The following ECT2 variants were observed in gnomAD, a reference collection of about 807,000 sequenced individuals.
The protein encoded by ECT2 is epithelial cell transforming 2.
Under a neutral mutation model 116.9 loss-of-function variants are expected in ECT2, and 61 were observed. That is an observed-to-expected ratio of 0.52 (90% CI 0.42 to 0.65). ECT2 has a LOEUF of 0.65. Ranked by LOEUF, ECT2 falls within the 30% of genes least tolerant of loss-of-function variation. ECT2 has a pLI of 0.00. For missense variants in ECT2, 937 were observed against 1,078.7 expected (o/e 0.87, Z 1.84); for synonymous variants, 358 against 346.4 (o/e 1.03, Z -0.37).
intron 24 of ECT2, among the ~76,000 whole-genome samples, chr3:172,819,571 C>G (rs1449133958): frequency 6.6e-6 from 1 of 152,008 alleles, no homozygotes; most frequent in Non-Finnish European, 1.5e-5. Context: ...GTCTCGAACT[C>G]TTGGCCTTAA....
intron 14 of ECT2, among the ~76,000 whole-genome samples, chr3:172,776,847 GAATATGTAGTGGAA>G (rs953677952): frequency 2.6e-5 from 4 of 150,992 alleles, no homozygotes; most frequent in African/African-American, 9.7e-5. Context: ...TAGTGGTTAA[GAATATGTAGTGGAA>G]AAAACGGGTT....
chr3:172,813,650 T>C (rs1405032855), intron 22 of ECT2, among the ~76,000 whole-genome samples: 1 of 152,118 alleles, frequency 6.6e-6, no homozygotes, highest in African/African-American at 2.4e-5. Flanking sequence ...AGTATATTCA[T>C]ACTGTTGTGC....
downstream of ECT2, among the ~76,000 whole-genome samples, chr3:172,822,763 T>C (rs1730741721): frequency 6.6e-6 from 1 of 151,880 alleles, no homozygotes; most frequent in Non-Finnish European, 1.5e-5. Context: ...CTTCTAGAAG[T>C]AAAAATAGAG....
rs766619497 is a variant in ECT2 at position 172,786,479 on chromosome 3, T to C, written c.1826-14T>C. The C allele has an allele frequency of 3.3e-5, 51 of 1,565,918 alleles. No homozygotes were observed. Among genetic ancestry groups the C allele is most frequent in the Non-Finnish European group, 3.7e-5 (43 of 1,147,402 alleles). ...GAATTTTTTATGCATGGAAAAAACA[T>C]TGTATTATTACAGATCTTAAGAAGC... On this transcript the variant is annotated splice_polypyrimidine_tract_variant and intron_variant, in intron 17 of 24. Coordinates refer to ENST00000392692, the MANE Select transcript of ECT2 (RefSeq NM_001258315.2).
chr3:172,807,979 C>T, intron 22 of ECT2, 55 bp downstream of exon 22: 5 of 1,482,828 alleles, frequency 3.4e-6, no homozygotes, highest in South Asian at 1.3e-5. Context: ...ACAGTGCATT[C>T]AGACTAAACC....
chr3:172,829,110 T>G, the ECT2 span: 1 of 679,316 alleles, frequency 1.5e-6, no homozygotes, highest in Non-Finnish European at 2.7e-6. Context: ...CAGGCCTGGT[T>G]AGACACCTGG....
At position 172,784,625 on chromosome 3, in the gene ECT2, G is replaced by A. The variant is rs1723294367; in HGVS notation, c.1729-82G>A. The A allele has an allele frequency of 8.4e-6, 8 of 951,718 alleles. No individual in the cohort carries two copies. In the South Asian group the frequency reaches 9.4e-5, roughly 11 times the overall value. 59.0% of individuals were successfully genotyped at this position (951,718 alleles called of 1,614,324 possible). A position where few individuals can be genotyped will look rare whatever the true frequency, so the allele number is the denominator to read the frequency against. On this transcript the variant is annotated intron_variant, in intron 16 of 24. Coordinates refer to ENST00000392692, the MANE Select transcript of ECT2 (RefSeq NM_001258315.2). ...ATTAGTTTGTATCACAGACACTAAT[G>A]ATAAGGTGTACTCCAGTAAAAGTAG...
chr3:172,784,785 G>C lies in ECT2; in HGVS notation c.1807G>C (p.Val603Leu), dbSNP rs1447764477. The C allele has an allele frequency of 2.5e-6, 4 of 1,604,218 alleles. No homozygotes were observed. In the South Asian group the frequency reaches 4.4e-5, roughly 18 times the overall value. ...CCGACCAGTACAGAGGTTACCCAGTGTTGCATTACTTTTAAATGGTACTTG... is the reference window on the plus strand; with the variant it reads ...CCGACCAGTACAGAGGTTACCCAGTCTTGCATTACTTTTAAATGGTACTTG... ...LIRPVQRLPS[V>L]ALLLNDLKKH... Residue 603 changes from valine (V) to leucine (L), a missense_variant, in exon 17 of 25, where the codon GTT becomes CTT. Val to Leu is a conservative substitution (Grantham distance 32). Transcript: ENST00000392692.
chr3:172,823,012 TG>T (rs1365913302), downstream of ECT2, among the ~76,000 whole-genome samples: 2 of 152,028 alleles, frequency 1.3e-5, no homozygotes, highest in African/African-American at 4.8e-5. Flanking sequence ...AAATCAAGCA[TG>T]CACATTAAGT....
intron 21 of ECT2, among the ~76,000 whole-genome samples, chr3:172,806,786 G>A (rs561115354): frequency 1.4e-4 from 21 of 151,674 alleles, no homozygotes; most frequent in Admixed American, 5.2e-4. Flanking sequence ...GATTACAGGC[G>A]TGTGTTGTCA....
At position 172,759,077 on chromosome 3, in the gene ECT2, T is replaced by G. The variant is rs1420184394; in HGVS notation, c.576+8T>G. 1 of 1,548,424 alleles carries G rather than the reference T, an allele frequency of 6.5e-7. No homozygotes were observed. Among genetic ancestry groups the G allele is most frequent in the Non-Finnish European group, 8.8e-7 (1 of 1,140,768 alleles). On this transcript the variant is annotated splice_region_variant and intron_variant, in intron 6 of 24. Transcript: ENST00000392692. Reference sequence around the variant, plus strand: ...AGGAAAAAAGAAGAACTAGTAAGTATTACGAAACAAATTCAAAGCGTATTT... The same window carrying G: ...AGGAAAAAAGAAGAACTAGTAAGTAGTACGAAACAAATTCAAAGCGTATTT...
At chr3:172,750,944 C>T (rs1024246257) in intron 1 of ECT2, 87 bp downstream of exon 1, 1 of 152,476 alleles carries the variant, frequency 6.6e-6, no homozygotes, top group Non-Finnish European at 1.5e-5. Context: ...GACGTCCCCG[C>T]CCCTAGTGAC....
chr3:172,769,139 T>A lies in ECT2; in HGVS notation c.1424T>A (p.Ile475Asn). The change falls in exon 13 of 25, where the codon ATT becomes AAT. Residue 475 changes from isoleucine (I) to asparagine (N), a missense_variant. Ile to Asn is a moderately radical substitution (Grantham distance 149). Coordinates refer to ENST00000392692, the MANE Select transcript of ECT2 (RefSeq NM_001258315.2). ...SNYVNILATI[I>N]QLFQVPLEEE... is the part of the protein sequence containing the mutation. ...TATGTTAATATATTGGCAACAATTA[T>A]TCAGGTAAGTATGAGTTTGATTGAA... The A allele has an allele frequency of 6.2e-7, 1 of 1,610,892 alleles. No individual in the cohort carries two copies. The highest frequency in any genetic ancestry group is 1.7e-5 in the Admixed American group (1 of 59,840).
chr3:172,760,014 T>C, intron 6 of ECT2, 142 bp from the exon 7 acceptor site: 1 of 520,488 alleles, frequency 1.9e-6, no homozygotes, highest in Non-Finnish European at 3.3e-6. Context: ...TACTTTGACA[T>C]AAAATTTAAT....
chr3:172,762,427 C>T lies in ECT2; in HGVS notation c.770C>T (p.Ala257Val), dbSNP rs1718501718. ...WERRNEQDFY[A>V]AVDDFRNEFK... ...TATTTTGTTTTTAGGGATTTCTATGCAGCAGTTGATGACTTTAGAAATGAA... is the reference window on the plus strand; with the variant it reads ...TATTTTGTTTTTAGGGATTTCTATGTAGCAGTTGATGACTTTAGAAATGAA... The change falls in exon 9 of 25, where the codon GCA (alanine) becomes GTA (valine). Residue 257 changes from alanine (A) to valine (V), a missense_variant. Physicochemically the swap from Ala to Val is moderately conservative, Grantham distance 64. Coordinates refer to ENST00000392692, the MANE Select transcript of ECT2 (RefSeq NM_001258315.2). 1 of 1,592,366 alleles carries T rather than the reference C, an allele frequency of 6.3e-7. No homozygotes were observed. Among genetic ancestry groups the T allele is most frequent in the Non-Finnish European group, 8.5e-7 (1 of 1,175,018 alleles).
chr3:172,805,669 T>C, intron 20 of ECT2, 62 bp from the exon 21 acceptor site: 1 of 1,495,186 alleles, frequency 6.7e-7, no homozygotes, highest in Non-Finnish European at 9.2e-7. Context: ...ATTTTATTTT[T>C]TAAGTATTTG....
intron 14 of ECT2, among the ~76,000 whole-genome samples, chr3:172,778,386 G>C (rs1385605242): frequency 6.6e-6 from 1 of 152,104 alleles, no homozygotes; most frequent in Non-Finnish European, 1.5e-5. Context: ...AGAAGTAGTG[G>C]TATTATGAAT....
chr3:172,784,754 T>G lies in ECT2; in HGVS notation c.1776T>G (p.Leu592=). 1 of 1,613,672 alleles carries G rather than the reference T, an allele frequency of 6.2e-7. No individual in the cohort carries two copies. The highest frequency in any genetic ancestry group is 2.2e-5 in the East Asian group (1 of 44,870). The change falls in exon 17 of 25, where the codon CTT becomes CTG. Residue 592 remains leucine, a synonymous_variant. Transcript: ENST00000392692. ...PECGRQSLVE[L]LIRPVQRLPS... ...GTGGACGGCAGAGCCTTGTTGAACT[T>G]CTTATCCGACCAGTACAGAGGTTAC...
At chr3:172,820,026 C>T in intron 24 of ECT2, 122 bp from the exon 25 acceptor site, 1 of 616,842 alleles carries the variant, frequency 1.6e-6, no homozygotes, top group Non-Finnish European at 2.7e-6. Flanking sequence ...TGTCAGATGT[C>T]TTGTACTTAA....
Sources: allele counts gnomAD v4.1 joint callset (sites outside exome capture counted in the v4.1 genomes callset), GRCh38; gene constraint gnomAD v4.1.1; transcripts MANE v1.5; gene names NCBI Gene and HGNC (gene_info 2026-07-23, HGNC 2026-07-21).